The following TKT variants were observed in gnomAD, a reference collection of about 807,000 sequenced individuals.
TKT encodes the protein epididymis luminal protein 107.
Under a neutral mutation model 63.9 loss-of-function variants are expected in TKT, and 47 were observed. That is an observed-to-expected ratio of 0.74 (90% CI 0.58 to 0.94). The LOEUF is 0.94. TKT is among the 40% of genes least tolerant of loss of function. The pLI, the probability that TKT is intolerant of heterozygous loss-of-function variation, is 0.00. For missense variants in TKT, 721 were observed against 846.2 expected (o/e 0.85, Z 1.84); for synonymous variants, 338 against 334.1 (o/e 1.01, Z -0.13).
At position 53,255,248 on chromosome 3, in the gene TKT, C is replaced by A. The variant is rs1403248271; in HGVS notation, c.107+588G>T. Among the ~76,000 whole-genome samples the A allele has an allele frequency of 3.9e-5, 6 of 152,194 alleles. No homozygotes were observed. The South Asian group carries it at 1.0e-3, about 26-fold the overall frequency. ...GGAGACAGGGGTAGGGGAGCGTAGTCTGAGGTGGGGAGAAGGCCGGGCCCC... is the reference window on the plus strand; with the variant it reads ...GGAGACAGGGGTAGGGGAGCGTAGTATGAGGTGGGGAGAAGGCCGGGCCCC... On this transcript the variant is annotated intron_variant, in intron 1 of 13. Coordinates refer to ENST00000462138, the MANE Select transcript of TKT (RefSeq NM_001064.4).
chr3:53,227,028 C>T (rs1354455867), intron 12 of TKT, 150 bp from the exon 13 acceptor site: 1 of 948,832 alleles, frequency 1.1e-6, no homozygotes, highest in African/African-American at 1.7e-5. Context: ...CCACTTGCCA[C>T]CTCGTTCCCA....
rs1176002197 is a variant in TKT, at chr3:53,229,071, G to C, written c.1331C>G (p.Thr444Ser). The C allele has an allele frequency of 6.2e-7, 1 of 1,614,180 alleles. No homozygotes were observed. The highest frequency in any genetic ancestry group is 8.5e-7 in the Non-Finnish European group (1 of 1,180,020). Residue 444 changes from threonine to serine, a missense_variant, in exon 10 of 14, where the codon ACT becomes AGT. Transcript: ENST00000462138. Reference sequence around the variant, plus strand: ...AACGCCATCACTTGGGTAAAAGACAGTTGATGTGGGGACTGACCGAAACAT... The same window carrying C: ...AACGCCATCACTTGGGTAAAAGACACTTGATGTGGGGACTGACCGAAACAT... The part of the protein sequence containing the change: ...LAMFRSVPTS[T>S]VFYPSDGVAT...
chr3:53,237,405 C>CA (rs372971651), intron 4 of TKT, among the ~76,000 whole-genome samples: 62 of 147,970 alleles, frequency 4.2e-4, no homozygotes, highest in African/African-American at 1.4e-3. Flanking sequence ...CAAAACAAAA[C>CA]AAAAAAAACC....
chr3:53,240,454 G>T, intron 3 of TKT, 106 bp from the exon 4 acceptor site: 1 of 997,430 alleles, frequency 1.0e-6, no homozygotes, highest in Non-Finnish European at 1.5e-6. Context: ...TTCCTCTGCA[G>T]AAGGTCAGGC....
chr3:53,243,712 C>T, intron 1 of TKT: 1 of 444,248 alleles, frequency 2.3e-6, no homozygotes, highest in Non-Finnish European at 4.5e-6. Flanking sequence ...CCAGCTTCAA[C>T]TGGAGGCCAC....
Position 53,232,510 on chromosome 3 carries a change from GT to G in TKT, c.748+645del, listed in dbSNP as rs559878711. 3 of 398,646 alleles carry G rather than the reference GT, an allele frequency of 7.5e-6. No homozygotes were observed. In the South Asian group the frequency reaches 3.8e-4, roughly 51 times the overall value. 24.7% of individuals were successfully genotyped at this position (398,646 alleles called of 1,614,324 possible). On this transcript the variant is annotated intron_variant, in intron 6 of 13. Transcript: ENST00000462138. ...CCCCCTCGTGCCATAGACTTCCTCT[GT>G]CCCCGGGCAAGTCCCTGACCACTTG...
chr3:53,242,045 A>G, intron 2 of TKT, 80 bp downstream of exon 2: 1 of 1,386,342 alleles, frequency 7.2e-7, no homozygotes, highest in South Asian at 1.2e-5. Context: ...GGTCTCCTCA[A>G]AGACCACTCA....
intron 13 of TKT, chr3:53,226,503 A>C (rs1553675541): frequency 2.0e-6 from 1 of 502,582 alleles, no homozygotes; most frequent in East Asian, 3.8e-5. Flanking sequence ...ACCATTTAGC[A>C]GCGAGGTTGG....
In TKT at chr3:53,253,877, C is replaced by T. The variant is rs2106738046; in HGVS notation, c.107+1959G>A. Among the ~76,000 whole-genome samples, 4 of 152,296 alleles carry T rather than the reference C, an allele frequency of 2.6e-5. No individual in the cohort carries two copies. The East Asian group carries it at 5.8e-4, about 22-fold the overall frequency. ...TTGGCCTCCCAAAGTGCTGTGATTA[C>T]AGGCATGAACCACCATGCCCTGCCA... On this transcript the variant is annotated intron_variant, in intron 1 of 13. Coordinates refer to ENST00000462138, the MANE Select transcript of TKT (RefSeq NM_001064.4).
rs966071151 is a variant in TKT at position 53,241,066 on chromosome 3, G to A, written c.339+66C>T. The A allele has an allele frequency of 3.7e-5, 51 of 1,373,536 alleles. No homozygotes were observed. The African/African-American group carries it at 6.7e-4, about 18-fold the overall frequency. 85.1% of individuals were successfully genotyped at this position (1,373,536 alleles called of 1,614,324 possible). A position where few individuals can be genotyped will look rare whatever the true frequency, so the allele number is the denominator to read the frequency against. ...TTCTCAGTGGGCACCCCCTACCCCC[G>A]TCCCACATGTCTGGGAAATAGGAAG... is the stretch of plus-strand genomic sequence containing the variant. On this transcript the variant is annotated intron_variant, in intron 3 of 13. Coordinates refer to ENST00000462138, the MANE Select transcript of TKT (RefSeq NM_001064.4).
intron 6 of TKT, chr3:53,232,450 T>G (rs1180244197): frequency 5.0e-6 from 2 of 398,880 alleles, no homozygotes; most frequent in Non-Finnish European, 8.8e-6. Context: ...CCAGGGGCAT[T>G]TGGCAGGGAA....
chr3:53,233,135 GGGC>G lies in TKT; in HGVS notation c.748+18_748+20del. The G allele has an allele frequency of 1.7e-5, 28 of 1,603,674 alleles. No individual in the cohort carries two copies. The highest frequency in any genetic ancestry group is 2.4e-5 in the Non-Finnish European group (28 of 1,171,982). On this transcript the variant is annotated intron_variant, in intron 6 of 13. Transcript: ENST00000462138. ...TCTGGGCGAGGGGTGAAGGTGGGGA[GGGC>G]GGCTTGTGCATACTGACCCGTGATC...
chr3:53,249,852 C>G (rs1301223075), intron 1 of TKT, among the ~76,000 whole-genome samples: 1 of 152,110 alleles, frequency 6.6e-6, no homozygotes, highest in Non-Finnish European at 1.5e-5. Flanking sequence ...TAGAAGTGTC[C>G]CCAGCACCCA....
chr3:53,243,655 G>C (rs1553680392), intron 1 of TKT: 1 of 456,110 alleles, frequency 2.2e-6, no homozygotes, highest in East Asian at 7.0e-5. Context: ...TGGTAAACGA[G>C]AAACCCTTTT....
intron 1 of TKT, among the ~76,000 whole-genome samples, chr3:53,243,834 C>G (rs1291098365): frequency 1.3e-5 from 2 of 152,200 alleles, no homozygotes; most frequent in African/African-American, 4.8e-5. Context: ...GTTTCTAAAG[C>G]CATGGTCCCA....
In TKT at chr3:53,255,826, G is replaced by A. The variant is rs1575578641; in HGVS notation, c.107+10C>T. On this transcript the variant is annotated intron_variant, in intron 1 of 13. Coordinates refer to ENST00000462138, the MANE Select transcript of TKT (RefSeq NM_001064.4). ...CCGAGCCGCGTCCCCGGCCGGCGCC[G>A]CGCACTCACCCAGAGCCCGCCGCAG... 3 of 1,490,456 alleles carry A rather than the reference G, an allele frequency of 2.0e-6. No individual in the cohort carries two copies. Among genetic ancestry groups the A allele is most frequent in the East Asian group, 2.8e-5 (1 of 35,156 alleles). The allele number at this position is 1,490,456 out of a possible 1,614,324, so 92.3% of individuals were successfully genotyped here.
chr3:53,226,407 G>A (rs1459199779), intron 13 of TKT: 1 of 316,982 alleles, frequency 3.2e-6, no homozygotes, highest in East Asian at 8.4e-5. Flanking sequence ...GCTGTGTGAA[G>A]GACTCACAAA....
intron 7 of TKT, 128 bp from the exon 8 acceptor site, chr3:53,230,749 T>G: frequency 8.8e-7 from 1 of 1,142,224 alleles, no homozygotes; most frequent in Non-Finnish European, 1.2e-6. Flanking sequence ...CACAAGGTCC[T>G]GCAGAGGCTT....
At position 53,228,036 on chromosome 3, in the gene TKT, T is replaced by C. The variant is rs1553675947; in HGVS notation, c.1573+20A>G. ...GCAGTGGCCGCTCAGTTGATGACTT[T>C]GGAGGCCCCTTCTCCTCACCTTTCT... On this transcript the variant is annotated intron_variant, in intron 12 of 13. Coordinates refer to ENST00000462138, the MANE Select transcript of TKT (RefSeq NM_001064.4). The C allele has an allele frequency of 1.9e-6, 3 of 1,610,326 alleles. No individual in the cohort carries two copies. The highest frequency in any genetic ancestry group is 2.5e-6 in the Non-Finnish European group (3 of 1,178,310).
Sources: gnomAD v4.1 joint callset for allele counts (sites outside exome capture counted in the v4.1 genomes callset) on GRCh38, gnomAD v4.1.1 for gene constraint, MANE v1.5 for transcripts, NCBI Gene and HGNC (gene_info 2026-07-23, HGNC 2026-07-21) for gene names.